The following DAB1 variants were observed in gnomAD, a reference collection of about 807,000 sequenced individuals.
DAB1 encodes DAB adaptor protein 1.
DAB1 carries 15 observed loss-of-function variants against 64.6 expected under a neutral mutation model. The ratio of observed to expected loss-of-function variants is 0.23; its 90% CI spans 0.16 to 0.36. DAB1 has a LOEUF of 0.36. Among genes scored for constraint, DAB1 ranks in the 10% least tolerant of loss-of-function variants. The probability of loss-of-function intolerance (pLI) is 1.00; values close to 1 mark genes in which losing one functional copy is unlikely to be tolerated. For missense variants in DAB1, 596 were observed against 706.7 expected (o/e 0.84, Z 1.78); for synonymous variants, 235 against 251.9 (o/e 0.93, Z 0.64).
chr1:58,218,197 C>G (rs1570497950), intron 4 of DAB1, among the ~76,000 whole-genome samples: 1 of 152,130 alleles, frequency 6.6e-6, no homozygotes, highest in Middle Eastern at 3.4e-3. Flanking sequence ...ATTTGGGCAG[C>G]CTATGAAGAG....
chr1:58,293,031 G>T (rs1052585291), intron 4 of DAB1, among the ~76,000 whole-genome samples: 1 of 152,140 alleles, frequency 6.6e-6, no homozygotes, highest in African/African-American at 2.4e-5. Flanking sequence ...CCCAAAGATT[G>T]CACAGTGAGG....
chr1:57,180,760 G>T (rs1247614015), intron 2 of DAB1, among the ~76,000 whole-genome samples: 1 of 152,022 alleles, frequency 6.6e-6, no homozygotes, highest in Non-Finnish European at 1.5e-5. Context: ...AAAAACAAAA[G>T]CTGGCCCTAC....
At chr1:57,058,790 G>C (rs550342341) in intron 9 of DAB1, among the ~76,000 whole-genome samples, 1 of 152,132 alleles carries the variant, frequency 6.6e-6, no homozygotes, top group Non-Finnish European at 1.5e-5. Context: ...TTCAAACCCC[G>C]GTATCTCTCA....
intron 6 of DAB1, among the ~76,000 whole-genome samples, chr1:57,779,543 C>T (rs1569656794): frequency 6.6e-6 from 1 of 152,154 alleles, no homozygotes; most frequent in South Asian, 2.1e-4. Context: ...ATTCCATCTC[C>T]TCTATGAAAA....
intron 1 of DAB1, among the ~76,000 whole-genome samples, chr1:57,352,545 A>T (rs997326157): frequency 6.6e-6 from 1 of 152,146 alleles, no homozygotes; most frequent in African/African-American, 2.4e-5. Flanking sequence ...TTGACTTCAC[A>T]ACCACTCTAT....
At chr1:58,170,704 T>C (rs1203981912) in intron 4 of DAB1, among the ~76,000 whole-genome samples, 1 of 152,076 alleles carries the variant, frequency 6.6e-6, no homozygotes, top group African/African-American at 2.4e-5. Context: ...AAAAAGATTG[T>C]CCAACGAGAA....
intron 7 of DAB1, among the ~76,000 whole-genome samples, chr1:57,530,825 G>A (rs1413389970): frequency 6.6e-6 from 1 of 152,084 alleles, no homozygotes; most frequent in Non-Finnish European, 1.5e-5. Flanking sequence ...ATACAGGAAG[G>A]CATTAAAAAG....
Position 57,128,123 on chromosome 1 carries a change from G to A in DAB1, c.306+8420C>T, listed in dbSNP as rs763775775. On this transcript the variant is annotated intron_variant, in intron 4 of 14. Coordinates refer to ENST00000371236, the MANE Select transcript of DAB1 (RefSeq NM_001365792.1). ...GATCGTGCCATGGCACTCCAGCCTG[G>A]GAGATAAGAGTGAGAGTCTCAAAAA... is the stretch of plus-strand genomic sequence containing the variant. Among the ~76,000 whole-genome samples the A allele has an allele frequency of 1.9e-3, 291 of 150,724 alleles. 1 individual carries two copies. Among genetic ancestry groups the A allele is most frequent in the Non-Finnish European group, 2.9e-3 (199 of 67,770 alleles).
chr1:57,735,696 A>T (rs1647659894), intron 6 of DAB1, among the ~76,000 whole-genome samples: 1 of 151,102 alleles, frequency 6.6e-6, no homozygotes, highest in South Asian at 2.1e-4. Flanking sequence ...GGTATAGTTG[A>T]AAAAAATTCA....
At chr1:57,186,600 C>A (rs155308) in intron 2 of DAB1, among the ~76,000 whole-genome samples, 12,835 of 152,136 alleles carry the variant, frequency 0.084, 1,610 homozygotes, top group African/African-American at 0.27. Flanking sequence ...TGACATAATC[C>A]GCAAAGAGGG....
At chr1:57,925,805 G>A (rs1225439274) in intron 5 of DAB1, among the ~76,000 whole-genome samples, 1 of 152,128 alleles carries the variant, frequency 6.6e-6, no homozygotes, top group Non-Finnish European at 1.5e-5. Flanking sequence ...TGGAGGAGGG[G>A]GATGGAGGAG....
chr1:58,392,304 C>T (rs1224475445), intron 3 of DAB1, among the ~76,000 whole-genome samples: 5 of 152,208 alleles, frequency 3.3e-5, no homozygotes, highest in Non-Finnish European at 5.9e-5. Flanking sequence ...CAAGATGTAA[C>T]GGCTCTGCCA....
chr1:57,717,607 A>G (rs1647099324), intron 6 of DAB1, among the ~76,000 whole-genome samples: 1 of 152,160 alleles, frequency 6.6e-6, no homozygotes, highest in African/African-American at 2.4e-5. Flanking sequence ...TTTTGAAGAG[A>G]TATCTGCACC....
At chr1:58,388,525 G>T (rs900632778) in intron 3 of DAB1, among the ~76,000 whole-genome samples, 1 of 152,168 alleles carries the variant, frequency 6.6e-6, no homozygotes, top group Non-Finnish European at 1.5e-5. Context: ...AAAGCCAAAT[G>T]CTTAGAATGT....
rs1232952312 is a variant in DAB1, at chr1:58,301,823, CA to C, written n.309+41528del. Among the ~76,000 whole-genome samples, 16 of 152,278 alleles carry C rather than the reference CA, an allele frequency of 1.1e-4. 1 individual carries two copies. The highest frequency in any genetic ancestry group is 3.9e-4 in the African/African-American group (16 of 41,558). On this transcript the variant is annotated intron_variant and non_coding_transcript_variant, in intron 4 of 20. Coordinates refer to the DAB1 transcript ENST00000485760. Reference sequence around the variant, plus strand: ...AAAAACGGTTAATCTTACTGTACCTCAGATCCTCATCTGTAAAATAAGAAAA... The same window carrying C: ...AAAAACGGTTAATCTTACTGTACCTCGATCCTCATCTGTAAAATAAGAAAA...
chr1:57,328,563 AT>A lies in DAB1; in HGVS notation c.-136-37398del, dbSNP rs1676380048. Among the ~76,000 whole-genome samples the A allele has an allele frequency of 1.3e-5, 2 of 152,200 alleles. 1 individual carries two copies. Among genetic ancestry groups the A allele is most frequent in the South Asian group, 4.1e-4 (2 of 4,826 alleles). On this transcript the variant is annotated intron_variant, in intron 1 of 14. Coordinates refer to ENST00000371236, the MANE Select transcript of DAB1 (RefSeq NM_001365792.1). The stretch of plus-strand genomic sequence containing the variant: ...CCTTATTAAATTGTGTGTCCATGTC[AT>A]TGCCTTGGTCACATTTACTTCAAAC...
intron 5 of DAB1, among the ~76,000 whole-genome samples, chr1:58,116,138 G>C (rs929398084): frequency 2.6e-5 from 4 of 152,132 alleles, no homozygotes; most frequent in Non-Finnish European, 4.4e-5. Flanking sequence ...GTAGAAGTCT[G>C]CTGAAAAAAT....
At chr1:57,606,006 T>G in intron 7 of DAB1, 1 of 662,046 alleles carries the variant, frequency 1.5e-6, no homozygotes, top group South Asian at 1.4e-5. Context: ...CACAAGGAGT[T>G]TTTCTTGTAG....
At chr1:57,973,629 G>T (rs1364138706) in intron 5 of DAB1, among the ~76,000 whole-genome samples, 1 of 122,144 alleles carries the variant, frequency 8.2e-6, no homozygotes, top group African/African-American at 2.9e-5. Flanking sequence ...TCTACCCTGT[G>T]ACTCAAAAAC....
Sources: gnomAD v4.1 joint callset for allele counts (sites outside exome capture counted in the v4.1 genomes callset) on GRCh38, gnomAD v4.1.1 for gene constraint, MANE v1.5 for transcripts, NCBI Gene and HGNC (gene_info 2026-07-23, HGNC 2026-07-21) for gene names.